The following COL5A3 variants were observed in gnomAD, a reference collection of about 807,000 sequenced individuals.
COL5A3 encodes collagen alpha-3(V) chain.
COL5A3 carries 172 observed loss-of-function variants against 250.0 expected under a neutral mutation model. The ratio of observed to expected loss-of-function variants is 0.69; its 90% CI spans 0.61 to 0.78. The LOEUF is 0.78. COL5A3 is among the 30% of genes least tolerant of loss of function. The pLI is 0.00. For synonymous variants in COL5A3, 937 were observed against 900.4 expected, an observed-to-expected ratio of 1.04 and a Z score of -0.73; for missense variants, 2,340 against 2,334.4, an observed-to-expected ratio of 1.00 and a Z score of -0.05.
Position 10,001,891 on chromosome 19 carries a change from G to A in COL5A3, c.850-10C>T. 1.9e-6 allele frequency: 3 copies of A among 1,599,194 alleles called. No individual in the cohort carries two copies. The highest frequency in any genetic ancestry group is 2.6e-6 in the Non-Finnish European group (3 of 1,166,816). ...GGATGTCAGTGGAGGTCTGGAGCAG[G>A]GATGGAGGGAGCCTTGGGTCTCGGG... On this transcript the variant is annotated splice_polypyrimidine_tract_variant and intron_variant, in intron 6 of 66. Coordinates refer to ENST00000264828, the MANE Select transcript of COL5A3 (RefSeq NM_015719.4).
intron 1 of COL5A3, 86 bp downstream of exon 1, chr19:10,010,206 CTCCACG>C: frequency 6.6e-5 from 57 of 868,006 alleles, no homozygotes; most frequent in South Asian, 8.8e-5. Flanking sequence ...CGCCCTTCCC[CTCCACG>C]CCCCTCCACC....
intron 27 of COL5A3, among the ~76,000 whole-genome samples, chr19:9,988,855 A>AAGGGAAAG (rs1555738986): frequency 9.5e-6 from 1 of 104,766 alleles, no homozygotes; most frequent in Non-Finnish European, 1.8e-5. Flanking sequence ...AAAAAAAAAA[A>AAGGGAAAG]AAAGAAAGTA....
intron 22 of COL5A3, 71 bp from the exon 23 acceptor site, chr19:9,991,912 G>C: frequency 2.6e-6 from 4 of 1,536,530 alleles, no homozygotes; most frequent in Non-Finnish European, 3.6e-6. Flanking sequence ...AAATTGACTT[G>C]GGGGGGGTCA....
intron 1 of COL5A3, among the ~76,000 whole-genome samples, chr19:10,008,024 C>T (rs12971542): frequency 0.12 from 18,110 of 151,852 alleles, 1,474 homozygotes; most frequent in African/African-American, 0.23. Context: ...TCTCTAATTG[C>T]CTGTTTTGTG....
rs1174353907 is a variant in COL5A3 at position 9,967,416 on chromosome 19, A to G, written c.4405-16T>C. 2 of 1,501,350 alleles carry G rather than the reference A, an allele frequency of 1.3e-6. No individual in the cohort carries two copies. Among genetic ancestry groups the G allele is most frequent in the East Asian group, 5.5e-5 (2 of 36,620 alleles). The allele number at this position is 1,501,350 out of a possible 1,614,324, so 93.0% of individuals were successfully genotyped here. Reference sequence around the variant, plus strand: ...CCATGGACCCCTGTAGGGAGAAGTCACTTGGAGAATGAACCCTGTCTATGG... The same window carrying G: ...CCATGGACCCCTGTAGGGAGAAGTCGCTTGGAGAATGAACCCTGTCTATGG... On this transcript the variant is annotated splice_polypyrimidine_tract_variant and intron_variant, in intron 61 of 66. Coordinates refer to ENST00000264828, the MANE Select transcript of COL5A3 (RefSeq NM_015719.4).
intron 36 of COL5A3, 39 bp downstream of exon 36, chr19:9,979,955 T>TCCGC: frequency 1.3e-6 from 2 of 1,576,240 alleles, no homozygotes; most frequent in Non-Finnish European, 1.7e-6. Context: ...TCCCACATCC[T>TCCGC]CCACCCACCC....
At chr19:9,967,118 C>T (rs910637292) in intron 62 of COL5A3, among the ~76,000 whole-genome samples, 2 of 152,098 alleles carry the variant, frequency 1.3e-5, no homozygotes, top group African/African-American at 2.4e-5. Flanking sequence ...GTCCAAGAGA[C>T]AAGACCCAGG....
rs774370840 is a variant in COL5A3 at position 9,989,380 on chromosome 19, A to T, written c.2047-14T>A. On this transcript the variant is annotated splice_polypyrimidine_tract_variant and intron_variant, in intron 25 of 66. Coordinates refer to ENST00000264828, the MANE Select transcript of COL5A3 (RefSeq NM_015719.4). ...TCCTGGGTGACCCTGGGGAAGAAAC[A>T]TTCTCAGTTGTCAGAGACCAAAACT... 2.7e-5 allele frequency: 44 copies of T among 1,613,986 alleles called. No individual in the cohort carries two copies. Among genetic ancestry groups the T allele is most frequent in the Non-Finnish European group, 3.7e-5 (44 of 1,179,990 alleles).
rs115562250 is a variant in COL5A3, at chr19:10,003,779, C to T, written c.700-65G>A. Reference sequence around the variant, plus strand: ...AGCAGAGACCCCATCATTCAGGTCACCTGGGGTGAGGCTGGCTCATGGCCC... The same window carrying T: ...AGCAGAGACCCCATCATTCAGGTCATCTGGGGTGAGGCTGGCTCATGGCCC... On this transcript the variant is annotated intron_variant, in intron 5 of 66. Coordinates refer to ENST00000264828, the MANE Select transcript of COL5A3 (RefSeq NM_015719.4). 3,163 of 1,596,556 alleles carry T rather than the reference C, an allele frequency of 2.0e-3. 59 individuals are homozygous for T. The African/African-American group carries it at 0.037, about 18-fold the overall frequency.
intron 61 of COL5A3, 147 bp downstream of exon 61, chr19:9,967,757 A>G: frequency 1.3e-6 from 1 of 754,252 alleles, no homozygotes; most frequent in Non-Finnish European, 2.1e-6. Context: ...CTGATGAAAT[A>G]CAACCGTAGG....
chr19:9,985,825 C>A lies in COL5A3; in HGVS notation c.2406+17G>T, dbSNP rs751580672. The A allele has an allele frequency of 3.2e-5, 52 of 1,610,304 alleles. No individual in the cohort carries two copies. The highest frequency in any genetic ancestry group is 5.0e-5 in the Admixed American group (3 of 59,630). On this transcript the variant is annotated intron_variant, in intron 31 of 66. Transcript: ENST00000264828. ...CCTGCCCATATCCATCTCCACCCCC[C>A]ACCCCCAGCTTCCTACCTTAGGTCC...
In COL5A3 at chr19:9,979,187, G is replaced by C. The variant is rs2086968377; in HGVS notation, c.2819C>G (p.Pro940Arg). The C allele has an allele frequency of 1.2e-6, 2 of 1,602,428 alleles. No homozygotes were observed. The highest frequency in any genetic ancestry group is 4.5e-5 in the East Asian group (2 of 44,820). Residue 940 changes from proline to arginine, a missense_variant, in exon 39 of 67, where the codon CCT (proline) becomes CGT (arginine). Pro to Arg is a moderately radical substitution (Grantham distance 103). Coordinates refer to ENST00000264828, the MANE Select transcript of COL5A3 (RefSeq NM_015719.4). ...AAGACCTTGTTCACCAGGAGGTCCAGGGGGGCCTGGAGGCCCCCTTTCACC... is the reference window on the plus strand; with the variant it reads ...AAGACCTTGTTCACCAGGAGGTCCACGGGGGCCTGGAGGCCCCCTTTCACC... Reference protein sequence around the residue: ...PLGERGPPGPPGPPGEQGLPG... With the variant: ...PLGERGPPGPRGPPGEQGLPG...
intron 8 of COL5A3, among the ~76,000 whole-genome samples, chr19:10,000,115 A>G (rs2087337734): frequency 6.6e-6 from 1 of 151,948 alleles, no homozygotes; most frequent in Non-Finnish European, 1.5e-5. Flanking sequence ...CATAAAAAAA[A>G]AGCCTAAAAT....
At chr19:9,964,616 A>C (rs1483183835) in intron 64 of COL5A3, among the ~76,000 whole-genome samples, 2 of 152,024 alleles carry the variant, frequency 1.3e-5, no homozygotes, top group African/African-American at 4.8e-5. Flanking sequence ...AAACAGACAA[A>C]AATAACAATA....
intron 37 of COL5A3, 37 bp from the exon 38 acceptor site, chr19:9,979,454 T>TG: frequency 6.2e-7 from 1 of 1,608,892 alleles, no homozygotes; most frequent in South Asian, 1.1e-5. Flanking sequence ...CGGTGTTACA[T>TG]GGGGAAGGGA....
chr19:9,986,167 T>C, intron 30 of COL5A3, 148 bp downstream of exon 30: 1 of 633,382 alleles, frequency 1.6e-6, no homozygotes, highest in South Asian at 1.9e-5. Context: ...TGCATTAAAT[T>C]GCTCTGTAAT....
In COL5A3 at chr19:9,991,609, C is replaced by T. The variant is rs1283563515; in HGVS notation, c.1992+1G>A. The T allele has an allele frequency of 4.4e-6, 7 of 1,593,346 alleles. No homozygotes were observed. Among genetic ancestry groups the T allele is most frequent in the Admixed American group, 1.8e-5 (1 of 56,446 alleles). ...TCGCGGTAGGTGGAGCTGTCACTCACCTTCTCCCCAGGAGTGCCAATGAGT... is the reference window on the plus strand; with the variant it reads ...TCGCGGTAGGTGGAGCTGTCACTCATCTTCTCCCCAGGAGTGCCAATGAGT... On this transcript the variant is annotated splice_donor_variant, in intron 24 of 66. Transcript: ENST00000264828. LOFTEE classifies it high-confidence loss of function.
chr19:9,971,212 C>G lies in COL5A3; in HGVS notation c.3821G>C (p.Gly1274Ala). 1 of 1,560,794 alleles carries G rather than the reference C, an allele frequency of 6.4e-7. No individual in the cohort carries two copies. The highest frequency in any genetic ancestry group is 8.6e-7 in the Non-Finnish European group (1 of 1,162,250). ...GGAGGGGGTCACACTCACTGAAACTCCAGGGTCTCCTGGGGGCCCTAGATC... is the reference window on the plus strand; with the variant it reads ...GGAGGGGGTCACACTCACTGAAACTGCAGGGTCTCCTGGGGGCCCTAGATC... ...PGDLGPPGDP[G>A]VSGIDGSPGE... is the part of the protein sequence containing the mutation. The change falls in exon 52 of 67, where the codon GGA becomes GCA. Residue 1274 changes from glycine (G) to alanine (A), a missense_variant. Coordinates refer to ENST00000264828, the MANE Select transcript of COL5A3 (RefSeq NM_015719.4).
intron 19 of COL5A3, 23 bp downstream of exon 19, chr19:9,993,357 C>A (rs929565619): frequency 6.2e-7 from 1 of 1,613,472 alleles, no homozygotes; most frequent in Non-Finnish European, 8.5e-7. Context: ...CCAAACCAGG[C>A]CCTAACTCTC....
Sources: gnomAD v4.1 joint callset for allele counts (sites outside exome capture counted in the v4.1 genomes callset) on GRCh38, gnomAD v4.1.1 for gene constraint, MANE v1.5 for transcripts, NCBI Gene and HGNC (gene_info 2026-07-23, HGNC 2026-07-21) for gene names.